PALLD: variants seen among roughly 807,000 people sequenced by gnomAD.
The protein encoded by PALLD is palladin, cytoskeletal associated protein.
In PALLD, 61 loss-of-function variants were observed where a neutral mutation model predicts 123.5. The ratio of observed to expected loss-of-function variants is 0.49; its 90% CI spans 0.40 to 0.61. PALLD has a LOEUF of 0.61. Among genes scored for constraint, PALLD ranks in the 20% least tolerant of loss-of-function variants. PALLD has a pLI of 0.00. For synonymous variants in PALLD, 465 were observed against 496.4 expected, an observed-to-expected ratio of 0.94 and a Z score of 0.84; for missense variants, 1,273 against 1,377.0, an observed-to-expected ratio of 0.92 and a Z score of 1.20.
rs550497420 is a variant in PALLD, at chr4:168,863,581, G to A, written c.1965-27341G>A. ...CTCTGTCAGTGTCTAGTGTTCCACT[G>A]ATCCTACATAGTAATTTTGAAAGAC... is the stretch of plus-strand genomic sequence containing the variant. On this transcript the variant is annotated intron_variant, in intron 10 of 21. Transcript: ENST00000505667. Among the ~76,000 whole-genome samples, 130 of 152,160 alleles carry A rather than the reference G, an allele frequency of 8.5e-4. 1 individual carries two copies. In the South Asian group the frequency reaches 0.024, roughly 28 times the overall value.
chr4:168,816,413 A>ATTTTTT lies in PALLD; in HGVS notation c.1965-74506_1965-74501dup, dbSNP rs1554088403. On this transcript the variant is annotated intron_variant, in intron 10 of 21. Transcript: ENST00000505667. Reference sequence around the variant, plus strand: ...TGTATATATATATATATATATATATATTTTTTTTAAGTATTAGATTGGAGT... The same window carrying ATTTTTT: ...TGTATATATATATATATATATATATATTTTTTTTTTTTTTAAGTATTAGATTGGAGT... Among the ~76,000 whole-genome samples, 63 of 135,988 alleles carry ATTTTTT rather than the reference A, an allele frequency of 4.6e-4. 1 individual carries two copies. In the East Asian group the frequency reaches 0.013, roughly 28 times the overall value. The allele number at this position is 135,988 out of a possible 152,430, so 89.2% of individuals were successfully genotyped here.
At chr4:168,877,249 T>C (rs1193976573) in intron 10 of PALLD, among the ~76,000 whole-genome samples, 3 of 152,242 alleles carry the variant, frequency 2.0e-5, no homozygotes, top group African/African-American at 7.2e-5. Flanking sequence ...TTGACAGCAC[T>C]GAAATAGGCA....
At chr4:168,791,501 C>T (rs545366491) in intron 10 of PALLD, among the ~76,000 whole-genome samples, 60 of 152,210 alleles carry the variant, frequency 3.9e-4, no homozygotes, top group Admixed American at 1.4e-3. Context: ...GAGAAAAAAG[C>T]GCAGGAGGAA....
At position 168,906,674 on chromosome 4, in the gene PALLD, G is replaced by A. The variant is rs554128477; in HGVS notation, c.2622+2768G>A. Among the ~76,000 whole-genome samples, 6 of 152,216 alleles carry A rather than the reference G, an allele frequency of 3.9e-5. No individual in the cohort carries two copies. In the South Asian group the frequency reaches 1.2e-3, roughly 32 times the overall value. On this transcript the variant is annotated intron_variant, in intron 15 of 21. Coordinates refer to ENST00000505667, the MANE Select transcript of PALLD (RefSeq NM_001166108.2). ...AGGTCTTCCTCAGTCACCCAGGCTG[G>A]AGTACAGTGGCATAATCATGGCTCA...
chr4:168,876,150 C>T (rs1751714916), intron 10 of PALLD, among the ~76,000 whole-genome samples: 1 of 152,114 alleles, frequency 6.6e-6, no homozygotes. Flanking sequence ...ATGCATGCTG[C>T]CCTATTGAGG....
intron 2 of PALLD, among the ~76,000 whole-genome samples, chr4:168,653,447 G>A (rs1778248313): frequency 6.6e-6 from 1 of 152,142 alleles, no homozygotes; most frequent in South Asian, 2.1e-4. Context: ...TTGCCAGAAT[G>A]GTAAGGTAGT....
At chr4:168,709,507 C>G (rs1038506832) in intron 9 of PALLD, among the ~76,000 whole-genome samples, 1 of 91,500 alleles carries the variant, frequency 1.1e-5, no homozygotes, top group Non-Finnish European at 2.3e-5. Context: ...CAGACTCCAT[C>G]AAGGAAGGAA....
At chr4:168,557,093 G>A (rs1767396692) in intron 2 of PALLD, among the ~76,000 whole-genome samples, 1 of 148,374 alleles carries the variant, frequency 6.7e-6, no homozygotes, top group South Asian at 2.1e-4. Flanking sequence ...GCCCAGGCTG[G>A]AGTGCAGTGA....
intron 2 of PALLD, among the ~76,000 whole-genome samples, chr4:168,608,329 GC>G (rs925542338): frequency 1.3e-5 from 2 of 152,060 alleles, no homozygotes; most frequent in Admixed American, 6.5e-5. Context: ...CATCCAATGA[GC>G]CCCCCATTTG....
chr4:168,668,202 A>G lies in PALLD; in HGVS notation c.921A>G (p.Glu307=), dbSNP rs997995610. ...ATTTGGCCTGCAGATGGTTCTGTGA[A>G]GGGAAAGAACTGCACAACACTCCTG... is the stretch of plus-strand genomic sequence containing the variant. ...NPTPRVRWFC[E]GKELHNTPDI... is the part of the protein sequence containing the mutation. The change falls in exon 3 of 22, where the codon GAA becomes GAG. Residue 307 remains glutamate (E), a synonymous_variant. Coordinates refer to ENST00000505667, the MANE Select transcript of PALLD (RefSeq NM_001166108.2). 5.0e-6 allele frequency: 8 copies of G among 1,613,882 alleles called. No individual in the cohort carries two copies. The highest frequency in any genetic ancestry group is 5.9e-6 in the Non-Finnish European group (7 of 1,179,894).
At chr4:168,740,066 GA>G (rs974374529) in intron 10 of PALLD, among the ~76,000 whole-genome samples, 1 of 151,418 alleles carries the variant, frequency 6.6e-6, no homozygotes, top group Non-Finnish European at 1.5e-5. Flanking sequence ...GTTGAAACTG[GA>G]AAAAAAATGA....
chr4:168,530,563 A>G (rs1764510495), intron 2 of PALLD: 1 of 152,144 alleles, frequency 6.6e-6, no homozygotes, highest in South Asian at 2.1e-4. Flanking sequence ...TTTCTCACCT[A>G]TTGGACTCCT....
chr4:168,574,342 A>G (rs1450875413), intron 2 of PALLD, among the ~76,000 whole-genome samples: 1 of 152,134 alleles, frequency 6.6e-6, no homozygotes, highest in Non-Finnish European at 1.5e-5. Flanking sequence ...AAATGCTCAC[A>G]CAGATGTCCC....
intron 10 of PALLD, among the ~76,000 whole-genome samples, chr4:168,871,818 G>GCCTGTCC (rs1257314089): frequency 6.6e-6 from 1 of 152,194 alleles, no homozygotes; most frequent in Non-Finnish European, 1.5e-5. Flanking sequence ...CACTGGCAAA[G>GCCTGTCC]CCTGTCCCTT....
At chr4:168,675,163 C>T (rs1297040707) in intron 3 of PALLD, among the ~76,000 whole-genome samples, 6 of 152,090 alleles carry the variant, frequency 3.9e-5, no homozygotes, top group Non-Finnish European at 8.8e-5. Context: ...TTATGAGCTC[C>T]GAAGAGGGCA....
At chr4:168,880,224 C>T (rs918344831) in intron 10 of PALLD, among the ~76,000 whole-genome samples, 4 of 152,182 alleles carry the variant, frequency 2.6e-5, no homozygotes, top group Admixed American at 6.5e-5. Flanking sequence ...TTCTTGTCAG[C>T]ATCTATCACA....
intron 10 of PALLD, among the ~76,000 whole-genome samples, chr4:168,873,737 G>T (rs1288267441): frequency 6.6e-6 from 1 of 152,220 alleles, no homozygotes; most frequent in Non-Finnish European, 1.5e-5. Flanking sequence ...TTCACATCCA[G>T]GTTCTGCCCT....
Position 168,526,813 on chromosome 4 carries a change from G to A in PALLD, c.908+14401G>A, listed in dbSNP as rs901154719. Among the ~76,000 whole-genome samples the A allele has an allele frequency of 2.0e-5, 3 of 152,064 alleles. No individual in the cohort carries two copies. In the South Asian group the frequency reaches 6.2e-4, roughly 32 times the overall value. On this transcript the variant is annotated intron_variant, in intron 2 of 21. Coordinates refer to ENST00000505667, the MANE Select transcript of PALLD (RefSeq NM_001166108.2). ...GATCAGAGCAGGAAACAAGCTTGAA[G>A]CCAGGGGTAAAAAAAAAAATTAAGA...
chr4:168,832,072 C>T (rs1744299869), intron 10 of PALLD: 9 of 985,426 alleles, frequency 9.1e-6, no homozygotes, highest in Non-Finnish European at 1.1e-5. Flanking sequence ...GGTATAAAGC[C>T]CGATACCTGC....
Sources: gnomAD v4.1 joint callset for allele counts (sites outside exome capture counted in the v4.1 genomes callset) on GRCh38, gnomAD v4.1.1 for gene constraint, MANE v1.5 for transcripts, NCBI Gene and HGNC (gene_info 2026-07-23, HGNC 2026-07-21) for gene names.